Variants in CEP290 observed in about 807,000 individuals in gnomAD.
CEP290 encodes the protein centrosomal protein 290, also known as centrosomal protein of 290 kDa.
Under a neutral mutation model 344.9 loss-of-function variants are expected in CEP290, and 317 were observed. That is an observed-to-expected ratio of 0.92 (90% confidence interval 0.84 to 1.01). The LOEUF (loss-of-function observed/expected upper bound fraction) is 1.01. CEP290 is among the 50% of genes least tolerant of loss of function. The pLI is 0.00. For missense variants in CEP290, 2,754 were observed against 2,761.4 expected, an observed-to-expected ratio of 1.00 and a Z score of 0.06; for synonymous variants, 932 against 895.8, an observed-to-expected ratio of 1.04 and a Z score of -0.72.
In CEP290 at chr12:88,083,230, C is replaced by A. The variant is rs554863859; in HGVS notation, c.4813G>T (p.Asp1605Tyr). The A allele has an allele frequency of 6.2e-6, 9 of 1,447,006 alleles. No homozygotes were observed. The highest frequency in any genetic ancestry group is 6.3e-5 in the Admixed American group (2 of 31,838). 89.6% of individuals were successfully genotyped at this position (1,447,006 alleles called of 1,614,324 possible). The change falls in exon 37 of 54, where the codon GAT becomes TAT. Residue 1605 changes from aspartate to tyrosine, a missense_variant and splice_region_variant. Coordinates refer to ENST00000552810, the MANE Select transcript of CEP290 (RefSeq NM_025114.4). ...GGAGTGGGAGACTGTTTCATTAAAT[C>A]CTATAAAATATGAATATATTAGCAA... ...SLNKFKQTAW[D>Y]LMKQSPTPVP...
rs934685879 is a variant in CEP290 at position 88,106,895 on chromosome 12, T to C, written c.2597A>G (p.Asn866Ser). ...IKVKEYNNLL[N>S]ALQMDSDEMK... ...TTCATCCGAATCCATCTGAAGAGCATTGAGCAAATTCTGCACAAAGACACA... is the reference window on the plus strand; with the variant it reads ...TTCATCCGAATCCATCTGAAGAGCACTGAGCAAATTCTGCACAAAGACACA... Residue 866 changes from asparagine to serine, a missense_variant, in exon 25 of 54, where the codon AAT becomes AGT. By Grantham distance (46) the Asn-to-Ser change is conservative (BLOSUM62 1). Coordinates refer to ENST00000552810, the MANE Select transcript of CEP290 (RefSeq NM_025114.4). The C allele has an allele frequency of 6.9e-6, 11 of 1,604,074 alleles. No individual in the cohort carries two copies. Among genetic ancestry groups the C allele is most frequent in the African/African-American group, 5.4e-5 (4 of 74,758 alleles).
chr12:88,107,248 T>C (rs2137627396), intron 23 of CEP290, 150 bp from the exon 24 acceptor site: 3 of 490,802 alleles, frequency 6.1e-6, no homozygotes, highest in Non-Finnish European at 1.0e-5. Context: ...AAGTTAAACT[T>C]TCATTTAAAA....
At chr12:88,077,479 A>G (rs2035865163) in intron 40 of CEP290, 135 bp from the exon 41 acceptor site, 2 of 689,178 alleles carry the variant, frequency 2.9e-6, no homozygotes, top group Non-Finnish European at 2.3e-6. Context: ...TTAATACATA[A>G]GATAATCTGG....
In CEP290 at chr12:88,086,047, G is replaced by A. The variant is rs2137210634; in HGVS notation, c.4429C>T (p.Leu1477=). The part of the protein sequence containing the change: ...ILETRATCKS[L]EEKLKEKESA... ...CAAATTCTTCTAATTACCTCTTCTA[G>A]TGATTTGCAAGTTGCCCGTGTTTCT... is the stretch of plus-strand genomic sequence containing the variant. Residue 1477 remains leucine (L), a synonymous_variant, in exon 34 of 54, where the codon CTA becomes TTA. Transcript: ENST00000552810. 1 of 1,609,814 alleles carries A rather than the reference G, an allele frequency of 6.2e-7. No individual in the cohort carries two copies. Among genetic ancestry groups the A allele is most frequent in the East Asian group, 2.2e-5 (1 of 44,766 alleles).
At chr12:88,097,638 C>CACACAT (rs1224135682) in intron 26 of CEP290, among the ~76,000 whole-genome samples, 1 of 145,754 alleles carries the variant, frequency 6.9e-6, no homozygotes, top group African/African-American at 2.6e-5. Flanking sequence ...CACACACACA[C>CACACAT]ATATATACAA....
intron 29 of CEP290, among the ~76,000 whole-genome samples, chr12:88,092,289 C>T (rs952530341): frequency 2.6e-5 from 4 of 152,194 alleles, no homozygotes; most frequent in East Asian, 3.9e-4. Context: ...TATATTCTTA[C>T]AGCAACCTTA....
chr12:88,127,963 C>T (rs1478437402), intron 11 of CEP290, among the ~76,000 whole-genome samples: 2 of 152,116 alleles, frequency 1.3e-5, no homozygotes, highest in African/African-American at 4.8e-5. Context: ...TAACATGTCA[C>T]CATTTACCCT....
At chr12:88,096,863 A>T (rs765253712) in intron 27 of CEP290, 25 bp downstream of exon 27, 1 of 1,099,158 alleles carries the variant, frequency 9.1e-7, no homozygotes, top group Non-Finnish European at 1.3e-6. Flanking sequence ...TAATCATTTT[A>T]TATTATCAGA....
rs2039990725 is a variant in CEP290, at chr12:88,130,370, T to C, written c.567A>G (p.Ser189=). Reference sequence around the variant, plus strand: ...TTCTTGATAAAAGTGTTTCTTTCTGTGAATCTATTTGTTTCTGGTAGTCAA... The same window carrying C: ...TTCTTGATAAAAGTGTTTCTTTCTGCGAATCTATTTGTTTCTGGTAGTCAA... ...DIIDYQKQID[S]QKETLLSRRG... The change falls in exon 9 of 54, where the codon TCA becomes TCG. Residue 189 remains serine (S), a synonymous_variant. Coordinates refer to ENST00000552810, the MANE Select transcript of CEP290 (RefSeq NM_025114.4). The C allele has an allele frequency of 6.2e-7, 1 of 1,610,624 alleles. No homozygotes were observed. The highest frequency in any genetic ancestry group is 2.2e-5 in the East Asian group (1 of 44,680).
At chr12:88,054,825 G>A (rs1347149542) in intron 50 of CEP290, among the ~76,000 whole-genome samples, 1 of 152,120 alleles carries the variant, frequency 6.6e-6, no homozygotes, top group Non-Finnish European at 1.5e-5. Context: ...GTCTCTCTAA[G>A]GAGCCTCTAT....
intron 29 of CEP290, among the ~76,000 whole-genome samples, chr12:88,091,400 TA>T (rs1428856551): frequency 2.3e-5 from 1 of 43,894 alleles, no homozygotes; most frequent in Non-Finnish European, 6.1e-5. Flanking sequence ...TTAATAAAAT[TA>T]CAAAAAAAAA....
At chr12:88,118,422 C>A in intron 17 of CEP290, 61 bp downstream of exon 17, 2 of 1,299,792 alleles carry the variant, frequency 1.5e-6, no homozygotes, top group South Asian at 2.7e-5. Flanking sequence ...CAAATAATTT[C>A]ATATCCAGAC....
At chr12:88,082,365 G>A (rs7300538) in intron 37 of CEP290, among the ~76,000 whole-genome samples, 2,985 of 152,232 alleles carry the variant, frequency 0.02, 42 homozygotes, top group Middle Eastern at 0.031. Context: ...TAACCACCCT[G>A]AAAGGGCCAG....
At chr12:88,072,250 T>G (rs1426161575) in intron 41 of CEP290, among the ~76,000 whole-genome samples, 1 of 152,184 alleles carries the variant, frequency 6.6e-6, no homozygotes, top group Non-Finnish European at 1.5e-5. Context: ...GGAGGTAGTA[T>G]TATACAATAT....
At chr12:88,086,259 G>A in intron 33 of CEP290, 86 bp from the exon 34 acceptor site, 1 of 1,505,000 alleles carries the variant, frequency 6.6e-7, no homozygotes, top group Non-Finnish European at 9.0e-7. Flanking sequence ...ATAAAACATA[G>A]ATTAAACCCC....
intron 42 of CEP290, 92 bp downstream of exon 42, chr12:88,071,689 T>C (rs2035386885): frequency 6.8e-6 from 7 of 1,028,684 alleles, no homozygotes; most frequent in Non-Finnish European, 9.7e-6. Flanking sequence ...CTAGACCATT[T>C]CTCATATTAT....
At chr12:88,101,024 C>A (rs2037830835) in intron 26 of CEP290, among the ~76,000 whole-genome samples, 2 of 151,992 alleles carry the variant, frequency 1.3e-5, no homozygotes, top group Non-Finnish European at 2.9e-5. Flanking sequence ...GGCGGGGAGT[C>A]ACATGGGAGT....
chr12:88,089,448 G>T lies in CEP290; in HGVS notation c.3613C>A (p.Gln1205Lys), dbSNP rs1240887746. 1.1e-5 allele frequency: 17 copies of T among 1,579,150 alleles called. No individual in the cohort carries two copies. Among genetic ancestry groups the T allele is most frequent in the Non-Finnish European group, 1.4e-5 (16 of 1,160,194 alleles). The change falls in exon 31 of 54, where the codon CAA becomes AAA. Residue 1205 changes from glutamine to lysine, a missense_variant. Gln to Lys is a moderately conservative substitution (Grantham distance 53, BLOSUM62 1). Coordinates refer to ENST00000552810, the MANE Select transcript of CEP290 (RefSeq NM_025114.4). The stretch of plus-strand genomic sequence containing the variant: ...CTCAGTTGAAGAGAGACATTATGTT[G>T]GTGCAACTTGGCAATGAGCGACTTT... ...DEKSLIAKLH[Q>K]HNVSLQLSEA...
intron 26 of CEP290, among the ~76,000 whole-genome samples, chr12:88,099,183 A>G (rs1328037381): frequency 1.3e-5 from 2 of 152,206 alleles, no homozygotes; most frequent in African/African-American, 2.4e-5. Flanking sequence ...GAAGACACAC[A>G]TAAATTACAT....
Sources: gnomAD v4.1 joint callset for allele counts (sites outside exome capture counted in the v4.1 genomes callset) on GRCh38, gnomAD v4.1.1 for gene constraint, MANE v1.5 for transcripts, NCBI Gene and HGNC (gene_info 2026-07-23, HGNC 2026-07-21) for gene names.